COL6A2: variants seen among roughly 807,000 people sequenced by gnomAD.
The protein encoded by COL6A2 is collagen type VI alpha 2 chain.
COL6A2 carries 90 observed loss-of-function variants against 124.9 expected under a neutral mutation model. That is an observed-to-expected ratio of 0.72 (90% CI 0.61 to 0.86). The LOEUF is 0.86. Among genes scored for constraint, COL6A2 ranks in the 40% least tolerant of loss-of-function variants. The pLI, the probability that COL6A2 is intolerant of heterozygous loss-of-function variation, is 0.00. For synonymous variants in COL6A2, 793 were observed against 618.2 expected, an observed-to-expected ratio of 1.28 and a Z score of -4.19; for missense variants, 1,607 against 1,502.5, an observed-to-expected ratio of 1.07 and a Z score of -1.15.
chr21:46,123,072 C>G (rs1214275698), intron 21 of COL6A2, 135 bp downstream of exon 21: 1 of 879,156 alleles, frequency 1.1e-6, no homozygotes, highest in Non-Finnish European at 1.9e-6. Flanking sequence ...CCCCCACCTT[C>G]CTAAAGGGAA....
Position 46,130,811 on chromosome 21 carries a change from C to G in COL6A2, c.2462-1143C>G, listed in dbSNP as rs1165986078. ...AGCCGGTTCCTAGGTGTGGCCTTAA[C>G]AGGGAGGCTGCCCTTCCTTTCACTG... On this transcript the variant is annotated intron_variant, in intron 27 of 27. Coordinates refer to ENST00000300527, the MANE Select transcript of COL6A2 (RefSeq NM_001849.4). Among the ~76,000 whole-genome samples, 4 of 152,226 alleles carry G rather than the reference C, an allele frequency of 2.6e-5. No individual in the cohort carries two copies. In the East Asian group the frequency reaches 7.7e-4, roughly 29 times the overall value.
At chr21:46,127,181 T>TC (rs1360873934) in intron 27 of COL6A2, among the ~76,000 whole-genome samples, 1 of 151,446 alleles carries the variant, frequency 6.6e-6, no homozygotes, top group Non-Finnish European at 1.5e-5. Context: ...AGGAGCTGAG[T>TC]CCCCCTCAGT....
At chr21:46,102,433 T>G (rs1202260708) in intron 1 of COL6A2, among the ~76,000 whole-genome samples, 1 of 152,220 alleles carries the variant, frequency 6.6e-6, no homozygotes, top group Admixed American at 6.5e-5. Flanking sequence ...CAGTGTTAAA[T>G]AGAAGTAGTG....
chr21:46,124,674 G>T lies in COL6A2; in HGVS notation c.1695G>T (p.Glu565Asp), dbSNP rs1171141488. Reference protein sequence around the residue: ...GEPADPGPPGEPGPRGPRGVP... With the variant: ...GEPADPGPPGDPGPRGPRGVP... ...AGGCGGATCCTGGTCCCCCTGGTGA[G>T]CCAGGCCCTCGGGGGCCAAGAGGAG... The change falls in exon 22 of 28, where the codon GAG becomes GAT. Residue 565 changes from glutamate to aspartate, a missense_variant. Physicochemically the swap from Glu to Asp is conservative, Grantham distance 45 (BLOSUM62 2). Coordinates refer to ENST00000300527, the MANE Select transcript of COL6A2 (RefSeq NM_001849.4). 6.2e-7 allele frequency: 1 copy of T among 1,612,932 alleles called. No individual in the cohort carries two copies. Among genetic ancestry groups the T allele is most frequent in the Non-Finnish European group, 8.5e-7 (1 of 1,179,930 alleles).
At chr21:46,114,219 G>C in intron 5 of COL6A2, 146 bp downstream of exon 5, 1 of 708,206 alleles carries the variant, frequency 1.4e-6, no homozygotes, top group Non-Finnish European at 2.6e-6. Context: ...AACGTCAGGA[G>C]ATCGAGACCA....
rs1486337154 is a variant in COL6A2, at chr21:46,124,870, T to A, written c.1735-15T>A. ...CCTTGGCCCCAGAGTCTCAGCCTCA[T>A]CCTTCCTTCCCCAGGGTGAGCCCGG... On this transcript the variant is annotated splice_polypyrimidine_tract_variant and intron_variant, in intron 22 of 27. Transcript: ENST00000300527. 6.2e-7 allele frequency: 1 copy of A among 1,612,628 alleles called. No homozygotes were observed. The highest frequency in any genetic ancestry group is 1.3e-5 in the African/African-American group (1 of 74,874).
At chr21:46,129,076 C>G in intron 27 of COL6A2, 3 of 1,599,800 alleles carry the variant, frequency 1.9e-6, no homozygotes, top group Non-Finnish European at 2.5e-6. Context: ...ATTTCCTCTA[C>G]CGACTCGCCA....
intron 5 of COL6A2, among the ~76,000 whole-genome samples, 169 bp downstream of exon 5, chr21:46,114,242 T>C (rs373440477): frequency 9.2e-5 from 14 of 151,952 alleles, no homozygotes; most frequent in East Asian, 1.9e-4. Context: ...CTGGCTAACA[T>C]GGTGAAACCC....
chr21:46,126,313 A>C, intron 26 of COL6A2, 76 bp downstream of exon 26: 4 of 1,550,682 alleles, frequency 2.6e-6, no homozygotes, highest in Middle Eastern at 3.4e-4. Context: ...CCCCAGGGAC[A>C]CCCCTCACCT....
Position 46,125,849 on chromosome 21 carries a change from C to T in COL6A2, c.2034C>T (p.Asp678=), listed in dbSNP as rs776187095. Residue 678 remains aspartate, a synonymous_variant, in exon 26 of 28, where the codon GAC becomes GAT. Coordinates refer to ENST00000300527, the MANE Select transcript of COL6A2 (RefSeq NM_001849.4). ...EGTFEAIQLD[D]ERIDSLSSFK... ...CCTTTGAGGCCATCCAGCTGGACGA[C>T]GAACGTATCGACTCCCTGTCGAGCT... 29 of 1,612,770 alleles carry T rather than the reference C, an allele frequency of 1.8e-5. No individual in the cohort carries two copies. In the Admixed American group the frequency reaches 2.0e-4, roughly 11 times the overall value.
Position 46,111,971 on chromosome 21 carries a change from C to T in COL6A2, c.116-8C>T, listed in dbSNP as rs1359608410. On this transcript the variant is annotated splice_region_variant and splice_polypyrimidine_tract_variant and intron_variant, in intron 2 of 27. Coordinates refer to ENST00000300527, the MANE Select transcript of COL6A2 (RefSeq NM_001849.4). The stretch of plus-strand genomic sequence containing the variant: ...AGGCTGGCTCGTGACAGGTCCTGTG[C>T]CCCACAGAGAAGACCGACTGCCCCA... The T allele has an allele frequency of 6.2e-7, 1 of 1,609,832 alleles. No individual in the cohort carries two copies. The highest frequency in any genetic ancestry group is 8.5e-7 in the Non-Finnish European group (1 of 1,179,318).
In COL6A2 at chr21:46,117,812, C is replaced by G. The variant is rs2078496736; in HGVS notation, c.1054-62C>G. On this transcript the variant is annotated intron_variant, in intron 11 of 27. Transcript: ENST00000300527. Reference sequence around the variant, plus strand: ...GCTGGGACAATGGAGCACTTGGGCCCTGGCTCATGGGGAGAACCCCACCCG... The same window carrying G: ...GCTGGGACAATGGAGCACTTGGGCCGTGGCTCATGGGGAGAACCCCACCCG... 2.6e-6 allele frequency: 4 copies of G among 1,544,212 alleles called. No individual in the cohort carries two copies. The South Asian group carries it at 4.7e-5, about 18-fold the overall frequency.
chr21:46,125,533 A>G lies in COL6A2; in HGVS notation c.1885A>G (p.Thr629Ala). ...VIDSSESIGY[T>A]NFTLEKNFVI... The stretch of plus-strand genomic sequence containing the variant: ...CGACAGCTCCGAGAGCATTGGGTAC[A>G]CCAACTTCACACTGGAGAAGAACTT... The change falls in exon 25 of 28, where the codon ACC (threonine) becomes GCC (alanine). Residue 629 changes from threonine (T) to alanine (A), a missense_variant. Thr to Ala is a moderately conservative substitution (Grantham distance 58). Around this residue, in one of 3 missense-constraint regions of COL6A2, gnomAD observed 1,223 missense variants for 1,052.2 expected, o/e 1.16. Transcript: ENST00000300527. 2 of 1,612,910 alleles carry G rather than the reference A, an allele frequency of 1.2e-6. No homozygotes were observed. The highest frequency in any genetic ancestry group is 2.2e-5 in the South Asian group (2 of 91,076).
At chr21:46,127,540 T>C (rs2078691575) in intron 27 of COL6A2, among the ~76,000 whole-genome samples, 2 of 152,272 alleles carry the variant, frequency 1.3e-5, no homozygotes, top group Non-Finnish European at 2.9e-5. Context: ...GGGCTGTGCT[T>C]CTGCCGCCAA....
At chr21:46,130,061 G>T (rs180899384) in intron 27 of COL6A2, among the ~76,000 whole-genome samples, 1 of 152,168 alleles carries the variant, frequency 6.6e-6, no homozygotes, top group African/African-American at 2.4e-5. Flanking sequence ...ACTCGTGGGC[G>T]CTCACGGCCC....
Position 46,116,823 on chromosome 21 carries a change from A to G in COL6A2, c.999+9A>G. ...GGACCGATGGACAGAAGGTAGAGGG[A>G]GCCTCGGGCTCACAGCTGGACTGGT... On this transcript the variant is annotated intron_variant, in intron 10 of 27. Coordinates refer to ENST00000300527, the MANE Select transcript of COL6A2 (RefSeq NM_001849.4). The surrounding 1 kb of genome is among the most constrained non-coding windows in gnomAD (Gnocchi z 4.6). 1 of 1,612,620 alleles carries G rather than the reference A, an allele frequency of 6.2e-7. No individual in the cohort carries two copies. Among genetic ancestry groups the G allele is most frequent in the South Asian group, 1.1e-5 (1 of 91,070 alleles).
At chr21:46,131,851 G>A in intron 27 of COL6A2, 103 bp from the exon 28 acceptor site, 2 of 1,104,994 alleles carry the variant, frequency 1.8e-6, no homozygotes, top group Non-Finnish European at 2.6e-6. Context: ...GGTCTGTGAG[G>A]TTGCAGGCAG....
chr21:46,123,871 A>ATGGATAGATGGGTAGG (rs1555875030), intron 21 of COL6A2, among the ~76,000 whole-genome samples: 2 of 135,916 alleles, frequency 1.5e-5, no homozygotes, highest in Non-Finnish European at 3.1e-5. Context: ...GGGTTGGCAG[A>ATGGATAGATGGGTAGG]TGGATGGATG....
chr21:46,112,772 A>G (rs1201068682), intron 3 of COL6A2, 32 bp from the exon 4 acceptor site: 2 of 1,613,550 alleles, frequency 1.2e-6, no homozygotes, highest in Non-Finnish European at 1.7e-6. Flanking sequence ...CTCGAGGCAC[A>G]CGGCTAACCA....
Sources: gnomAD v4.1 joint callset for allele counts (sites outside exome capture counted in the v4.1 genomes callset) on GRCh38, gnomAD v4.1.1 for gene constraint, gnomAD v4.1.1 regional missense constraint, Gnocchi (gnomAD v3.1) non-coding constraint, MANE v1.5 for transcripts, NCBI Gene and HGNC (gene_info 2026-07-23, HGNC 2026-07-21) for gene names.